The following KCTD8 variants were observed in gnomAD, a reference collection of about 807,000 sequenced individuals.
KCTD8 encodes the protein potassium channel tetramerization domain containing 8, also known as BTB/POZ domain-containing protein KCTD8.
KCTD8 carries 27 observed loss-of-function variants against 31.5 expected under a neutral mutation model. The observed-to-expected ratio is 0.86, with a 90% CI of 0.63 to 1.18. The LOEUF is 1.18. Ranked by LOEUF, KCTD8 falls within the 50% of genes most tolerant of loss-of-function variation. KCTD8 has a pLI of 0.00. For synonymous variants in KCTD8, 290 were observed against 280.0 expected (o/e 1.04, Z -0.36); for missense variants, 658 against 647.7 (o/e 1.02, Z -0.17).
intron 1 of KCTD8, among the ~76,000 whole-genome samples, chr4:44,287,494 C>A (rs1320188942): frequency 1.3e-5 from 2 of 152,144 alleles, no homozygotes; most frequent in Non-Finnish European, 2.9e-5. Flanking sequence ...TATGTGGTAA[C>A]AATTCCAGGA....
At chr4:44,332,123 G>A (rs978287276) in intron 1 of KCTD8, among the ~76,000 whole-genome samples, 1 of 151,872 alleles carries the variant, frequency 6.6e-6, no homozygotes, top group African/African-American at 2.4e-5. Flanking sequence ...AATCAGAGGT[G>A]TAAATTTCAC....
chr4:44,243,201 G>T (rs536544929), intron 1 of KCTD8, among the ~76,000 whole-genome samples: 1 of 152,158 alleles, frequency 6.6e-6, no homozygotes, highest in South Asian at 2.1e-4. Context: ...TTGTTCATGG[G>T]TTCCAGCGAA....
At chr4:44,406,201 C>A (rs888995730) in intron 1 of KCTD8, among the ~76,000 whole-genome samples, 3 of 152,088 alleles carry the variant, frequency 2.0e-5, no homozygotes. Context: ...TTTGGTAGTT[C>A]ACATGGCACC....
At chr4:44,381,648 A>T (rs1720069328) in intron 1 of KCTD8, among the ~76,000 whole-genome samples, 1 of 152,000 alleles carries the variant, frequency 6.6e-6, no homozygotes, top group Admixed American at 6.6e-5. Flanking sequence ...GCCTGGTGGG[A>T]GGTGATTAGA....
At chr4:44,337,345 A>T (rs540903211) in intron 1 of KCTD8, among the ~76,000 whole-genome samples, 1 of 152,258 alleles carries the variant, frequency 6.6e-6, no homozygotes, top group East Asian at 1.9e-4. Context: ...TAAAAACTAT[A>T]ACCTAAAATA....
chr4:44,405,914 G>A (rs1470763388), intron 1 of KCTD8, among the ~76,000 whole-genome samples: 2 of 151,666 alleles, frequency 1.3e-5, no homozygotes, highest in Non-Finnish European at 2.9e-5. Flanking sequence ...TAGTTTCAGG[G>A]AACTAACAAG....
chr4:44,229,232 G>C (rs1388484494), intron 1 of KCTD8, among the ~76,000 whole-genome samples: 1 of 152,178 alleles, frequency 6.6e-6, no homozygotes, highest in Non-Finnish European at 1.5e-5. Flanking sequence ...AATGTTGGTT[G>C]ATGGTTTGGC....
chr4:44,337,316 A>T (rs1046047591), intron 1 of KCTD8, among the ~76,000 whole-genome samples: 5 of 152,210 alleles, frequency 3.3e-5, no homozygotes, highest in Non-Finnish European at 7.4e-5. Flanking sequence ...TCAATTAAAA[A>T]ATTACGTTAT....
chr4:44,390,351 T>C (rs1720341484), intron 1 of KCTD8, among the ~76,000 whole-genome samples: 1 of 152,050 alleles, frequency 6.6e-6, no homozygotes. Flanking sequence ...TTCTCCTACA[T>C]GTGGCTTGCC....
chr4:44,446,116 C>T (rs961523644), intron 1 of KCTD8, among the ~76,000 whole-genome samples: 1 of 151,966 alleles, frequency 6.6e-6, no homozygotes, highest in Non-Finnish European at 1.5e-5. Context: ...AAAAAGTAGT[C>T]TAACTCTGAG....
At chr4:44,275,654 G>C (rs1474213568) in intron 1 of KCTD8, among the ~76,000 whole-genome samples, 2 of 152,048 alleles carry the variant, frequency 1.3e-5, no homozygotes, top group Non-Finnish European at 2.9e-5. Flanking sequence ...AAATGTAAAT[G>C]CAACAGCTTC....
At chr4:44,404,391 T>C (rs977330206) in intron 1 of KCTD8, among the ~76,000 whole-genome samples, 2 of 152,190 alleles carry the variant, frequency 1.3e-5, no homozygotes, top group African/African-American at 4.8e-5. Context: ...GTAAGAAGTT[T>C]TGAAAATACC....
intron 1 of KCTD8, among the ~76,000 whole-genome samples, chr4:44,258,447 T>C (rs1480033492): frequency 3.9e-5 from 6 of 151,908 alleles, no homozygotes; most frequent in Non-Finnish European, 8.8e-5. Context: ...AATTCATGTA[T>C]CTGGGGAGAA....
intron 1 of KCTD8, among the ~76,000 whole-genome samples, chr4:44,355,970 T>C (rs4600951): frequency 0.1 from 15,154 of 152,116 alleles, 845 homozygotes; most frequent in Admixed American, 0.18. Context: ...TTATCATCAA[T>C]AATCACTAGC....
chr4:44,369,190 C>A (rs371501607), intron 1 of KCTD8, among the ~76,000 whole-genome samples: 5 of 152,186 alleles, frequency 3.3e-5, no homozygotes, highest in African/African-American at 7.2e-5. Context: ...TCATTCGGCA[C>A]AGTCTTCTGT....
At chr4:44,262,088 G>A (rs1716198280) in intron 1 of KCTD8, among the ~76,000 whole-genome samples, 1 of 152,014 alleles carries the variant, frequency 6.6e-6, no homozygotes, top group Admixed American at 6.6e-5. Flanking sequence ...AGGGAAGAAA[G>A]TAATTCAAGA....
chr4:44,352,654 GAGAAA>G (rs1462559078), intron 1 of KCTD8, among the ~76,000 whole-genome samples: 3 of 151,020 alleles, frequency 2.0e-5, no homozygotes, highest in Non-Finnish European at 4.4e-5. Context: ...ATTGAAATAT[GAGAAA>G]AGAAAGTATT....
At chr4:44,446,915 G>A (rs1376195847) in intron 1 of KCTD8, among the ~76,000 whole-genome samples, 1 of 152,104 alleles carries the variant, frequency 6.6e-6, no homozygotes, top group East Asian at 1.9e-4. Context: ...GATAACAGAC[G>A]CAGGGAAATC....
At chr4:44,263,972 T>C (rs908228152) in intron 1 of KCTD8, among the ~76,000 whole-genome samples, 5 of 152,232 alleles carry the variant, frequency 3.3e-5, no homozygotes, top group Admixed American at 2.0e-4. Context: ...GACAGGGATA[T>C]GTGGTCACAT....
Sources: gnomAD v4.1 joint callset for allele counts (sites outside exome capture counted in the v4.1 genomes callset) on GRCh38, gnomAD v4.1.1 for gene constraint, MANE v1.5 for transcripts, NCBI Gene and HGNC (gene_info 2026-07-23, HGNC 2026-07-21) for gene names.